Variants in PDGFC observed in about 807,000 individuals in gnomAD.
PDGFC encodes the protein platelet derived growth factor C.
Under a neutral mutation model 35.5 loss-of-function variants are expected in PDGFC, and 12 were observed. The observed-to-expected ratio is 0.34, with a 90% CI of 0.22 to 0.55. The LOEUF (loss-of-function observed/expected upper bound fraction) is 0.55, where lower values mean the gene tolerates loss of function less well. PDGFC is among the 20% of genes least tolerant of loss of function. PDGFC has a pLI of 0.91. For missense variants in PDGFC, 322 were observed against 412.4 expected (o/e 0.78, Z 1.90); for synonymous variants, 159 against 148.8 (o/e 1.07, Z -0.50).
chr4:156,821,432 G>T (rs6841729), intron 2 of PDGFC, among the ~76,000 whole-genome samples: 7,479 of 151,660 alleles, frequency 0.049, 621 homozygotes, highest in African/African-American at 0.17. Flanking sequence ...TAGAGATAAG[G>T]GTCTCACTAT....
chr4:156,767,312 A>T (rs1730565808), intron 5 of PDGFC, among the ~76,000 whole-genome samples: 1 of 152,144 alleles, frequency 6.6e-6, no homozygotes, highest in African/African-American at 2.4e-5. Flanking sequence ...TGAATAATAC[A>T]AAGTTTATTA....
At chr4:156,782,427 T>G (rs1446472771) in intron 3 of PDGFC, among the ~76,000 whole-genome samples, 1 of 152,194 alleles carries the variant, frequency 6.6e-6, no homozygotes, top group East Asian at 1.9e-4. Context: ...AAGAAACTTC[T>G]GTAAAGTAAC....
intron 2 of PDGFC, among the ~76,000 whole-genome samples, chr4:156,812,500 G>A (rs1231179935): frequency 6.6e-6 from 1 of 152,008 alleles, no homozygotes; most frequent in African/African-American, 2.4e-5. Flanking sequence ...TTAAAACGAA[G>A]TCTGACATGG....
chr4:156,791,580 T>G (rs1232045447), intron 3 of PDGFC, among the ~76,000 whole-genome samples: 1 of 151,776 alleles, frequency 6.6e-6, no homozygotes. Flanking sequence ...AGATAAAGCT[T>G]GAATTTCAAA....
intron 1 of PDGFC, among the ~76,000 whole-genome samples, chr4:156,938,845 T>C (rs1342173456): frequency 6.6e-6 from 1 of 150,446 alleles, no homozygotes; most frequent in Admixed American, 6.6e-5. Context: ...ATAAGTAAAC[T>C]ATTATTAATA....
intron 1 of PDGFC, among the ~76,000 whole-genome samples, chr4:156,902,213 T>G: frequency 6.6e-6 from 1 of 152,350 alleles, no homozygotes; most frequent in South Asian, 2.1e-4. Context: ...TGTTATAAAA[T>G]ATATTTGTGA....
chr4:156,803,173 T>G (rs533479485), intron 3 of PDGFC, among the ~76,000 whole-genome samples: 1 of 152,220 alleles, frequency 6.6e-6, no homozygotes, highest in Non-Finnish European at 1.5e-5. Flanking sequence ...AAGATGAAAT[T>G]ATTAGAAAAC....
chr4:156,912,584 AG>A (rs1277013229), intron 1 of PDGFC, among the ~76,000 whole-genome samples: 1 of 152,112 alleles, frequency 6.6e-6, no homozygotes, highest in Non-Finnish European at 1.5e-5. Context: ...AAGCCACAAA[AG>A]TATTCCTAAG....
At chr4:156,954,021 T>C (rs1732146797) in intron 1 of PDGFC, among the ~76,000 whole-genome samples, 1 of 151,908 alleles carries the variant, frequency 6.6e-6, no homozygotes, top group Non-Finnish European at 1.5e-5. Flanking sequence ...AATAGTCTGG[T>C]CTCTAGGGGT....
chr4:156,862,366 G>C (rs1261899877), intron 1 of PDGFC, among the ~76,000 whole-genome samples: 1 of 152,064 alleles, frequency 6.6e-6, no homozygotes, highest in African/African-American at 2.4e-5. Context: ...CTAATAGAAA[G>C]GCATGAGGTA....
At chr4:156,800,758 T>C (rs1293768670) in intron 3 of PDGFC, among the ~76,000 whole-genome samples, 1 of 152,178 alleles carries the variant, frequency 6.6e-6, no homozygotes, top group Non-Finnish European at 1.5e-5. Context: ...TCTACAAAAA[T>C]TGTAACTGTG....
rs147034817 is a variant in PDGFC, at chr4:156,792,506, A to C, written c.495+18331T>G. Among the ~76,000 whole-genome samples, 186 of 152,320 alleles carry C rather than the reference A, an allele frequency of 1.2e-3. 1 individual carries two copies. The highest frequency in any genetic ancestry group is 4.3e-3 in the African/African-American group (177 of 41,580). ...GAAACAGGTGTGCATACATGAGCAG[A>C]TAAATATTTTGAAACTCCAGCATCT... is the stretch of plus-strand genomic sequence containing the variant. On this transcript the variant is annotated intron_variant, in intron 3 of 5. Coordinates refer to ENST00000502773, the MANE Select transcript of PDGFC (RefSeq NM_016205.3).
intron 1 of PDGFC, among the ~76,000 whole-genome samples, chr4:156,922,957 T>G (rs930953871): frequency 6.6e-6 from 1 of 152,226 alleles, no homozygotes; most frequent in Non-Finnish European, 1.5e-5. Flanking sequence ...CCTAAATTAC[T>G]TAATAACTTC....
At chr4:156,956,927 C>T (rs556895162) in intron 1 of PDGFC, among the ~76,000 whole-genome samples, 49 of 152,040 alleles carry the variant, frequency 3.2e-4, no homozygotes, top group African/African-American at 1.1e-3. Flanking sequence ...CTGAGGTTTC[C>T]ACAAGATAGG....
At chr4:156,854,551 C>A (rs1395804145) in intron 1 of PDGFC, among the ~76,000 whole-genome samples, 1 of 152,066 alleles carries the variant, frequency 6.6e-6, no homozygotes, top group East Asian at 1.9e-4. Flanking sequence ...TGCCACCAAA[C>A]ACTTATGATT....
intron 3 of PDGFC, among the ~76,000 whole-genome samples, chr4:156,792,879 G>A (rs112185978): frequency 0.061 from 9,268 of 152,184 alleles, 397 homozygotes; most frequent in Middle Eastern, 0.11. Flanking sequence ...CAGAGGGTAT[G>A]AAGGAAACCC....
intron 3 of PDGFC, among the ~76,000 whole-genome samples, chr4:156,783,264 G>C (rs1731031734): frequency 6.6e-6 from 1 of 152,148 alleles, no homozygotes; most frequent in Non-Finnish European, 1.5e-5. Context: ...GGAAGGCTTT[G>C]TGTGTGCCAT....
intron 2 of PDGFC, among the ~76,000 whole-genome samples, chr4:156,831,258 T>A (rs1019030475): frequency 3.3e-5 from 5 of 152,110 alleles, no homozygotes; most frequent in Admixed American, 6.5e-5. Flanking sequence ...TTTGTACTCT[T>A]GAACATTTTT....
At chr4:156,768,024 A>G (rs780361412) in intron 4 of PDGFC, 34 bp from the exon 5 acceptor site, 4 of 1,250,264 alleles carry the variant, frequency 3.2e-6, no homozygotes, top group Non-Finnish European at 4.7e-6. Flanking sequence ...AGAAAAATAG[A>G]TGTTGATGCT....
Sources: gnomAD v4.1 joint callset for allele counts (sites outside exome capture counted in the v4.1 genomes callset) on GRCh38, gnomAD v4.1.1 for gene constraint, MANE v1.5 for transcripts, NCBI Gene and HGNC (gene_info 2026-07-23, HGNC 2026-07-21) for gene names.